The following ALDH1L2 variants were observed in gnomAD, a reference collection of about 807,000 sequenced individuals.
ALDH1L2 encodes the protein aldehyde dehydrogenase 1 family member L2.
Under a neutral mutation model 111.0 loss-of-function variants are expected in ALDH1L2, and 91 were observed. The observed-to-expected ratio is 0.82, with a 90% CI of 0.69 to 0.98. The LOEUF (loss-of-function observed/expected upper bound fraction) is 0.98, where lower values mean the gene tolerates loss of function less well. Among genes scored for constraint, ALDH1L2 ranks in the 50% least tolerant of loss-of-function variants. The probability of loss-of-function intolerance (pLI) is 0.00; values close to 1 mark genes in which losing one functional copy is unlikely to be tolerated. For synonymous variants in ALDH1L2, 374 were observed against 392.6 expected, an observed-to-expected ratio of 0.95 and a Z score of 0.56; for missense variants, 995 against 1,126.8, an observed-to-expected ratio of 0.88 and a Z score of 1.67.
At position 105,052,122 on chromosome 12, in the gene ALDH1L2, C is replaced by A; in HGVS notation, c.1503G>T (p.Met501Ile). ...DAFENGEWGR[M>I]NARERGRLMY... ...TCAATCTTCCTCTTTCTCTTGCATT[C>A]ATTCTTCCCCATTCACCGTTTTCAA... The change falls in exon 12 of 23, where the codon ATG (methionine) becomes ATT (isoleucine). Residue 501 changes from methionine (M) to isoleucine (I), a missense_variant. By Grantham distance (10) the Met-to-Ile change is conservative. Coordinates refer to ENST00000258494, the MANE Select transcript of ALDH1L2 (RefSeq NM_001034173.4). 2 of 1,610,410 alleles carry A rather than the reference C, an allele frequency of 1.2e-6. No homozygotes were observed. The highest frequency in any genetic ancestry group is 8.5e-7 in the Non-Finnish European group (1 of 1,178,332).
intron 3 of ALDH1L2, among the ~76,000 whole-genome samples, chr12:105,070,192 T>C (rs1373894333): frequency 2.6e-5 from 4 of 152,218 alleles, no homozygotes; most frequent in Non-Finnish European, 5.9e-5. Flanking sequence ...GTTTGCTCAA[T>C]ACCTAGTAAC....
chr12:105,072,513 A>C (rs1376098478), intron 2 of ALDH1L2: 1 of 152,208 alleles, frequency 6.6e-6, no homozygotes, highest in Non-Finnish European at 1.5e-5. Context: ...TAGTGTTCAC[A>C]AAATGTGAGT....
At chr12:105,083,794 G>A (rs1592817918) in intron 1 of ALDH1L2, among the ~76,000 whole-genome samples, 1 of 152,148 alleles carries the variant, frequency 6.6e-6, no homozygotes, top group African/African-American at 2.4e-5. Flanking sequence ...GTAGAATAGT[G>A]TTCCAGCGTG....
At chr12:105,076,817 T>C (rs1878073213) in intron 1 of ALDH1L2, among the ~76,000 whole-genome samples, 1 of 152,214 alleles carries the variant, frequency 6.6e-6, no homozygotes, top group South Asian at 2.1e-4. Flanking sequence ...AGCCAAACAC[T>C]ATGTTGAGCC....
rs1486716698 is a variant in ALDH1L2, at chr12:105,063,031, G to C, written c.787-9C>G. On this transcript the variant is annotated splice_polypyrimidine_tract_variant and intron_variant, in intron 6 of 22. Transcript: ENST00000258494. ...CCATAGAAAGTGACCATCTAGTAAAGAGATCAAACACAGATTGTAAAATCA... is the reference window on the plus strand; with the variant it reads ...CCATAGAAAGTGACCATCTAGTAAACAGATCAAACACAGATTGTAAAATCA... 3 of 1,610,790 alleles carry C rather than the reference G, an allele frequency of 1.9e-6. No homozygotes were observed. Among genetic ancestry groups the C allele is most frequent in the Non-Finnish European group, 2.5e-6 (3 of 1,179,120 alleles).
chr12:105,055,989 T>G (rs1329925738), intron 10 of ALDH1L2, among the ~76,000 whole-genome samples: 1 of 151,982 alleles, frequency 6.6e-6, no homozygotes, highest in Non-Finnish European at 1.5e-5. Context: ...GAAAAATATT[T>G]GAAGAAAGAA....
At chr12:105,026,413 C>G in intron 22 of ALDH1L2, 132 bp downstream of exon 22, 1 of 948,572 alleles carries the variant, frequency 1.1e-6, no homozygotes, top group East Asian at 2.5e-5. Flanking sequence ...AAAACGAATG[C>G]CCTTCTAAAC....
intron 19 of ALDH1L2, 140 bp from the exon 20 acceptor site, chr12:105,032,074 G>GT (rs201142279): frequency 0.13 from 66,838 of 522,914 alleles, 7 homozygotes; most frequent in South Asian, 0.17. Context: ...TAGGTGGTTG[G>GT]TTTTTTTTTT....
chr12:105,051,178 G>A (rs896595585), intron 12 of ALDH1L2, among the ~76,000 whole-genome samples: 3 of 151,984 alleles, frequency 2.0e-5, no homozygotes, highest in Non-Finnish European at 4.4e-5. Context: ...TCCACTTGCC[G>A]CTCTCTGTAT....
At position 105,049,931 on chromosome 12, in the gene ALDH1L2, CA is replaced by C; in HGVS notation, c.1662del (p.Phe554LeufsTer24). ...IGMSVQTFRYFAGWCDKIQGS... is the reference protein window; with the variant it reads ...IGMSVQTFRYXAGWCDKIQGS... The stretch of plus-strand genomic sequence containing the variant: ...ACCTGAATTTTGTCGCACCAGCCAG[CA>C]AAATATCTGAATGTTTGCACAGACA... On this transcript the variant is annotated frameshift_variant, in exon 13 of 23. Transcript: ENST00000258494. LOFTEE classifies it high-confidence loss of function. 6.2e-7 allele frequency: 1 copy of C among 1,611,016 alleles called. No individual in the cohort carries two copies. The highest frequency in any genetic ancestry group is 8.5e-7 in the Non-Finnish European group (1 of 1,178,598).
chr12:105,028,000 C>T (rs909696577), intron 21 of ALDH1L2, among the ~76,000 whole-genome samples: 1 of 152,154 alleles, frequency 6.6e-6, no homozygotes, highest in African/African-American at 2.4e-5. Flanking sequence ...TCAGTTGAGT[C>T]GAGTTCTAAT....
chr12:105,062,981 CA>C lies in ALDH1L2; in HGVS notation c.827del (p.Val276GlyfsTer33), dbSNP rs770401066. The C allele has an allele frequency of 2.9e-4, 470 of 1,613,932 alleles. No homozygotes were observed. Among genetic ancestry groups the C allele is most frequent in the Middle Eastern group, 9.9e-4 (6 of 6,084 alleles). On this transcript the variant is annotated frameshift_variant, in exon 7 of 23. Transcript: ENST00000258494. LOFTEE classifies it high-confidence loss of function. ...TAATTTCCAGTGGTTCTCCAGGAGG[CA>C]CAGAGCTATTCAGTAATGTCGAGCC... Reference protein sequence around the residue: ...FYGSTLLNSSVPPGEPLEIKG... With the variant: ...FYGSTLLNSSXPPGEPLEIKG...
intron 10 of ALDH1L2, among the ~76,000 whole-genome samples, chr12:105,053,788 C>T (rs776818023): frequency 6.6e-6 from 1 of 151,780 alleles, no homozygotes; most frequent in Non-Finnish European, 1.5e-5. Context: ...TTGGAATATG[C>T]TGAATGTATA....
intron 2 of ALDH1L2, among the ~76,000 whole-genome samples, chr12:105,071,584 T>C (rs1304160548): frequency 1.9e-4 from 27 of 139,782 alleles, no homozygotes; most frequent in Admixed American, 5.1e-4. Flanking sequence ...TTTATATATA[T>C]ATTTAAGTAC....
rs547663974 is a variant in ALDH1L2 at position 105,039,668 on chromosome 12, T to A, written c.2045+45A>T. The A allele has an allele frequency of 6.4e-6, 10 of 1,552,092 alleles. No homozygotes were observed. The African/African-American group carries it at 1.4e-4, about 21-fold the overall frequency. The stretch of plus-strand genomic sequence containing the variant: ...CCCTGTTTAAACAAAAATTGAAACC[T>A]AGTTTAACAGGATCTGCAGTGAATC... On this transcript the variant is annotated intron_variant, in intron 17 of 22. Transcript: ENST00000258494.
In ALDH1L2 at chr12:105,031,803, A is replaced by G; in HGVS notation, c.2376T>C (p.Thr792=). The G allele has an allele frequency of 6.2e-7, 1 of 1,614,158 alleles. No individual in the cohort carries two copies. The highest frequency in any genetic ancestry group is 8.5e-7 in the Non-Finnish European group (1 of 1,180,024). Residue 792 remains threonine (T), a synonymous_variant, in exon 20 of 23, where the codon ACT becomes ACC. Coordinates refer to ENST00000258494, the MANE Select transcript of ALDH1L2 (RefSeq NM_001034173.4). ...YCETGVKEGA[T]LVYGGRQVQR... is the part of the protein sequence containing the mutation. Reference sequence around the variant, plus strand: ...GGACTTGTCTTCCCCCGTACACCAAAGTGGCCCCTTCTTTCACTCCAGTTT... The same window carrying G: ...GGACTTGTCTTCCCCCGTACACCAAGGTGGCCCCTTCTTTCACTCCAGTTT...
rs1034167193 is a variant in ALDH1L2, at chr12:105,058,073, A to G, written c.1287T>C (p.Tyr429=). 5.6e-6 allele frequency: 9 copies of G among 1,611,680 alleles called. No individual in the cohort carries two copies. In the African/African-American group the frequency reaches 1.2e-4, roughly 22 times the overall value. ...EDQEVELVVD[Y]ISKEVNEIMV... ...GTTGCAACATCAAGGAAAAGCTTAC[A>G]TAATCTACAACCAGCTCCACCTCTT... is the stretch of plus-strand genomic sequence containing the variant. Residue 429 remains tyrosine, a splice_region_variant and synonymous_variant, in exon 10 of 23, where the codon TAT becomes TAC. Transcript: ENST00000258494.
chr12:105,041,915 G>T (rs1875558874), intron 15 of ALDH1L2, among the ~76,000 whole-genome samples: 2 of 152,150 alleles, frequency 1.3e-5, no homozygotes, highest in Admixed American at 1.3e-4. Flanking sequence ...AGATATTTCA[G>T]ATTCATCTTG....
rs761435823 is a variant in ALDH1L2, at chr12:105,038,176, A to G, written c.2072T>C (p.Val691Ala). 1.2e-6 allele frequency: 2 copies of G among 1,612,266 alleles called. No individual in the cohort carries two copies. The highest frequency in any genetic ancestry group is 1.3e-5 in the African/African-American group (1 of 74,932). ...AGACTTGCCACCAAGCTCAAGGGAA[A>G]CTTTCTTCAAGTTGCTAACAGCACA... is the stretch of plus-strand genomic sequence containing the variant. ...KSCAVSNLKK[V>A]SLELGGKSPL... Residue 691 changes from valine (V) to alanine (A), a missense_variant, in exon 18 of 23, where the codon GTT becomes GCT. Transcript: ENST00000258494.
Sources: gnomAD v4.1 joint callset for allele counts (sites outside exome capture counted in the v4.1 genomes callset) on GRCh38, gnomAD v4.1.1 for gene constraint, MANE v1.5 for transcripts, NCBI Gene and HGNC (gene_info 2026-07-23, HGNC 2026-07-21) for gene names.